EPB41L3: variants seen among roughly 807,000 people sequenced by gnomAD.
The protein encoded by EPB41L3 is band 4.1-like protein 3.
A neutral mutation model predicts 127.1 loss-of-function variants in EPB41L3; 57 were observed. The ratio of observed to expected loss-of-function variants is 0.45; its 90% CI spans 0.36 to 0.56. The LOEUF (loss-of-function observed/expected upper bound fraction) is 0.56, where lower values mean the gene tolerates loss of function less well. Among genes scored for constraint, EPB41L3 ranks in the 20% least tolerant of loss-of-function variants. The pLI is 0.00. For missense variants in EPB41L3, 1,273 were observed against 1,372.2 expected (o/e 0.93, Z 1.14); for synonymous variants, 572 against 549.5 (o/e 1.04, Z -0.57).
chr18:5,485,216 A>G (rs1218776757), intron 2 of EPB41L3, among the ~76,000 whole-genome samples: 2 of 152,094 alleles, frequency 1.3e-5, no homozygotes, highest in Admixed American at 6.5e-5. Context: ...TAAACATGAT[A>G]CATCACATTA....
At chr18:5,468,849 G>T (rs2085501242) in intron 3 of EPB41L3, among the ~76,000 whole-genome samples, 1 of 152,200 alleles carries the variant, frequency 6.6e-6, no homozygotes, top group African/African-American at 2.4e-5. Flanking sequence ...CTGGGAGGTG[G>T]AGATTTCAGT....
At chr18:5,429,463 T>C (rs533282534) in intron 8 of EPB41L3, 5 of 152,208 alleles carry the variant, frequency 3.3e-5, no homozygotes, top group Non-Finnish European at 7.3e-5. Flanking sequence ...GGATTGTAAG[T>C]GAGGTCAGAG....
At chr18:5,436,065 T>C (rs2079734247) in intron 6 of EPB41L3, among the ~76,000 whole-genome samples, 3 of 152,226 alleles carry the variant, frequency 2.0e-5, no homozygotes, top group Non-Finnish European at 4.4e-5. Flanking sequence ...TGTTGATTTG[T>C]CTTCTCCGTT....
chr18:5,490,690 A>G lies in EPB41L3; in HGVS notation c.-11-1496T>C, dbSNP rs189939043. ...ATAATACATTTTAGATTTTCGAGCA[A>G]ATCTTAAAAGTAAATATTATATTTT... On this transcript the variant is annotated intron_variant, in intron 1 of 22. Transcript: ENST00000341928. Among the ~76,000 whole-genome samples the G allele has an allele frequency of 2.4e-3, 368 of 152,290 alleles. 5 individuals carry two copies. The highest frequency in any genetic ancestry group is 5.4e-4 in the Non-Finnish European group (37 of 68,020).
chr18:5,535,196 C>CGTCCATG (rs2148977355), intron 1 of EPB41L3, among the ~76,000 whole-genome samples: 1 of 152,152 alleles, frequency 6.6e-6, no homozygotes, highest in African/African-American at 2.4e-5. Context: ...CCACAACCCC[C>CGTCCATG]GTCCATGGAA....
Position 5,395,701 on chromosome 18 carries a change from G to A in EPB41L3, c.2980C>T (p.Pro994Ser). Reference sequence around the variant, plus strand: ...ACGCCTGGCTCCAGATCTGTGCCTGGATCGACCTAAAGCAGCAGAGGCATA... The same window carrying A: ...ACGCCTGGCTCCAGATCTGTGCCTGAATCGACCTAAAGCAGCAGAGGCATA... Reference protein sequence around the residue: ...TITYESSQVDPGTDLEPGVLM... With the variant: ...TITYESSQVDSGTDLEPGVLM... Residue 994 changes from proline to serine, a missense_variant, in exon 20 of 23, where the codon CCA (proline) becomes TCA (serine). Pro to Ser is a moderately conservative substitution (Grantham distance 74, BLOSUM62 -1). Transcript: ENST00000341928. The A allele has an allele frequency of 6.2e-7, 1 of 1,614,074 alleles. No individual in the cohort carries two copies. Among genetic ancestry groups the A allele is most frequent in the East Asian group, 2.2e-5 (1 of 44,876 alleles).
In EPB41L3 at chr18:5,542,313, T is replaced by C. The variant is rs574505968; in HGVS notation, c.-12+1600A>G. Among the ~76,000 whole-genome samples the C allele has an allele frequency of 1.4e-4, 21 of 152,254 alleles. No homozygotes were observed. The South Asian group carries it at 4.1e-3, about 30-fold the overall frequency. On this transcript the variant is annotated intron_variant, in intron 1 of 22. Transcript: ENST00000341928. ...AGACATAAGCAGAATTTTATCATTT[T>C]TGTTTCCTTGAGACTTTAAAAATCA... is the stretch of plus-strand genomic sequence containing the variant.
intron 2 of EPB41L3, among the ~76,000 whole-genome samples, chr18:5,614,097 A>G (rs1047692192): frequency 2.0e-5 from 3 of 152,210 alleles, no homozygotes; most frequent in Admixed American, 6.5e-5. Context: ...AATGGATGGG[A>G]GCAAACCATG....
At chr18:5,566,711 T>C (rs981482278) in intron 3 of EPB41L3, among the ~76,000 whole-genome samples, 3 of 151,252 alleles carry the variant, frequency 2.0e-5, no homozygotes, top group Admixed American at 2.0e-4. Context: ...ACCTTTCTTT[T>C]CTTTTCTATT....
chr18:5,621,369 T>C (rs1034458529), intron 1 of EPB41L3, among the ~76,000 whole-genome samples: 2 of 152,198 alleles, frequency 1.3e-5, no homozygotes, highest in African/African-American at 2.4e-5. Flanking sequence ...TACAGTTTTA[T>C]TAAAGTTATT....
chr18:5,425,364 T>A (rs1163240866), intron 9 of EPB41L3, among the ~76,000 whole-genome samples: 1 of 152,208 alleles, frequency 6.6e-6, no homozygotes, highest in South Asian at 2.1e-4. Context: ...TGGATGTTCA[T>A]GTGCAGTGGT....
intron 3 of EPB41L3, among the ~76,000 whole-genome samples, chr18:5,474,092 G>A (rs559279317): frequency 9.9e-5 from 15 of 152,052 alleles, no homozygotes; most frequent in East Asian, 1.9e-4. Context: ...TTAGCCGGGC[G>A]TGGTGGTGGG....
intron 3 of EPB41L3, among the ~76,000 whole-genome samples, chr18:5,593,537 C>T (rs1686580080): frequency 6.6e-6 from 1 of 152,214 alleles, no homozygotes; most frequent in South Asian, 2.1e-4. Flanking sequence ...GATCACAGGA[C>T]CATGGGACCA....
chr18:5,624,152 G>T (rs2144285823), intron 1 of EPB41L3, among the ~76,000 whole-genome samples: 1 of 152,238 alleles, frequency 6.6e-6, no homozygotes, highest in Non-Finnish European at 1.5e-5. Flanking sequence ...ACAGCCCTGT[G>T]CCAACATGCC....
chr18:5,611,268 C>A (rs1300174261), intron 3 of EPB41L3, among the ~76,000 whole-genome samples: 1 of 152,156 alleles, frequency 6.6e-6, no homozygotes, highest in Non-Finnish European at 1.5e-5. Flanking sequence ...GATGAATGGA[C>A]AAACAAAATG....
At chr18:5,609,112 C>T (rs2094696454) in intron 3 of EPB41L3, among the ~76,000 whole-genome samples, 1 of 152,224 alleles carries the variant, frequency 6.6e-6, no homozygotes, top group Non-Finnish European at 1.5e-5. Context: ...CCTGCTACCT[C>T]CACCAGCTAA....
intron 16 of EPB41L3, among the ~76,000 whole-genome samples, chr18:5,402,806 C>A (rs547552747): frequency 2.0e-5 from 3 of 152,304 alleles, no homozygotes; most frequent in African/African-American, 7.2e-5. Flanking sequence ...AGGCCCTATA[C>A]TGGCGCACAA....
Position 5,489,024 on chromosome 18 carries a change from G to T in EPB41L3, c.160C>A (p.His54Asn). ...ACCTCCCTCCGCACCGGGGTGCTGT[G>T]CGCTGCAGCGGCGGCGAACTGCTCC... ...ALEQFAAAAA[H>N]STPVRREVTD... Residue 54 changes from histidine to asparagine, a missense_variant, in exon 2 of 23, where the codon CAC (histidine) becomes AAC (asparagine). Physicochemically the swap from His to Asn is moderately conservative, Grantham distance 68. This residue lies in a region of EPB41L3 where 182 missense variants were observed against 149.2 expected (regional missense o/e 1.22). Coordinates refer to ENST00000341928, the MANE Select transcript of EPB41L3 (RefSeq NM_012307.5). The T allele has an allele frequency of 6.3e-7, 1 of 1,588,940 alleles. No individual in the cohort carries two copies. Among genetic ancestry groups the T allele is most frequent in the African/African-American group, 1.4e-5 (1 of 72,756 alleles).
In EPB41L3 at chr18:5,419,882, A is replaced by T; in HGVS notation, c.1340-5T>A. On this transcript the variant is annotated splice_polypyrimidine_tract_variant and splice_region_variant and intron_variant, in intron 11 of 22. Coordinates refer to ENST00000341928, the MANE Select transcript of EPB41L3 (RefSeq NM_012307.5). ...CGTACTGGCCAGTACCAACCTCTGC[A>T]GCAGACATAGAATCCTTCATGTATA... is the stretch of plus-strand genomic sequence containing the variant. The T allele has an allele frequency of 1.9e-6, 3 of 1,614,240 alleles. No homozygotes were observed. Among genetic ancestry groups the T allele is most frequent in the Non-Finnish European group, 1.7e-6 (2 of 1,180,040 alleles).
Sources: allele counts gnomAD v4.1 joint callset (sites outside exome capture counted in the v4.1 genomes callset), GRCh38; gene constraint gnomAD v4.1.1; regional missense constraint gnomAD v4.1.1; transcripts MANE v1.5; gene names NCBI Gene and HGNC (gene_info 2026-07-23, HGNC 2026-07-21).